PEX11A: variants seen among roughly 807,000 people sequenced by gnomAD.
PEX11A encodes peroxisomal membrane protein 11A.
A neutral mutation model predicts 14.4 loss-of-function variants in PEX11A; 13 were observed. The observed-to-expected ratio is 0.90, with a 90% CI of 0.59 to 1.43. The LOEUF (loss-of-function observed/expected upper bound fraction) is 1.43. Among genes scored for constraint, PEX11A ranks in the 40% most tolerant of loss-of-function variants. The pLI is 0.00. For missense variants in PEX11A, 290 were observed against 302.8 expected, an observed-to-expected ratio of 0.96 and a Z score of 0.31; for synonymous variants, 101 against 113.0, an observed-to-expected ratio of 0.89 and a Z score of 0.67.
rs1241766543 is a variant in PEX11A at position 89,682,085 on chromosome 15, T to G, written c.*1292A>C. On this transcript the variant is annotated 3_prime_UTR_variant, in exon 3 of 3. Transcript: ENST00000300056. The stretch of plus-strand genomic sequence containing the variant: ...TTACATCTGGAGTATTCATGAAATT[T>G]TTTTGACTGGATAAATTTTGATGAA... 1 of 152,410 alleles carries G rather than the reference T, an allele frequency of 6.6e-6. No homozygotes were observed. The highest frequency in any genetic ancestry group is 1.5e-5 in the Non-Finnish European group (1 of 68,158). The allele number at this position is 152,410 out of a possible 1,614,324, so 9.4% of individuals were successfully genotyped here.
chr15:89,686,627 C>A, intron 1 of PEX11A, 81 bp from the exon 2 acceptor site: 1 of 700,256 alleles, frequency 1.4e-6, no homozygotes. Flanking sequence ...GAAAGAGAAA[C>A]ACATGCCTCC....
intron 2 of PEX11A, 113 bp downstream of exon 2, chr15:89,686,318 T>C (rs1212072597): frequency 6.4e-6 from 4 of 622,320 alleles, no homozygotes; most frequent in Non-Finnish European, 1.2e-5. Flanking sequence ...ATTTCACCAA[T>C]AAACTTGATT....
At chr15:89,689,856 C>A (rs554872968) in intron 1 of PEX11A, among the ~76,000 whole-genome samples, 1 of 152,168 alleles carries the variant, frequency 6.6e-6, no homozygotes, top group African/African-American at 2.4e-5. Context: ...TGAGACCGGG[C>A]GCGGTGGCTC....
chr15:89,684,965 G>A (rs968492307), intron 2 of PEX11A, among the ~76,000 whole-genome samples: 5 of 152,134 alleles, frequency 3.3e-5, no homozygotes, highest in Non-Finnish European at 7.4e-5. Flanking sequence ...CAAGGTGCAC[G>A]GATCACCTGA....
At chr15:89,690,388 T>C (rs1198375561) in intron 1 of PEX11A, among the ~76,000 whole-genome samples, 189 bp downstream of exon 1, 2 of 152,048 alleles carry the variant, frequency 1.3e-5, no homozygotes, top group African/African-American at 4.8e-5. Context: ...CGCGGGTGCG[T>C]TGGGCCCACT....
chr15:89,688,456 G>A (rs771833865), intron 1 of PEX11A, among the ~76,000 whole-genome samples: 19 of 151,998 alleles, frequency 1.3e-4, no homozygotes, highest in Admixed American at 7.9e-4. Context: ...GTAGTGGTGC[G>A]TTCTTGGCTC....
chr15:89,690,584 G>A lies in PEX11A; in HGVS notation c.49C>T (p.Leu17Phe). The change falls in exon 1 of 3, where the codon CTC becomes TTC. Residue 17 changes from leucine (L) to phenylalanine (F), a missense_variant. Transcript: ENST00000300056. The stretch of plus-strand genomic sequence containing the variant: ...CGCTGGCACCTGACTCACCTGAAGA[G>A]TCGGTCCCGGCCCTGGGTCTGGTTG... Reference protein sequence around the residue: ...FTNQTQGRDRLFRATQYTCML... With the variant: ...FTNQTQGRDRFFRATQYTCML... 1 of 1,551,338 alleles carries A rather than the reference G, an allele frequency of 6.4e-7. No individual in the cohort carries two copies. Among genetic ancestry groups the A allele is most frequent in the Non-Finnish European group, 8.7e-7 (1 of 1,146,830 alleles).
chr15:89,690,421 G>A (rs1282995603), intron 1 of PEX11A, among the ~76,000 whole-genome samples, 156 bp downstream of exon 1: 4 of 152,208 alleles, frequency 2.6e-5, no homozygotes, highest in Non-Finnish European at 4.4e-5. Context: ...AGGGTAAGGA[G>A]GGGCTCGGAT....
intron 1 of PEX11A, among the ~76,000 whole-genome samples, chr15:89,689,683 T>A (rs571816411): frequency 6.6e-6 from 1 of 152,286 alleles, no homozygotes; most frequent in Non-Finnish European, 1.5e-5. Flanking sequence ...TTTCTGAGCT[T>A]CTCCCCACTG....
In PEX11A at chr15:89,681,748, T is replaced by C. The variant is rs1010349588; in HGVS notation, c.*1629A>G. The stretch of plus-strand genomic sequence containing the variant: ...TTTTTGAGAATCTCAATCACATTTC[T>C]GGGAAATGTGACTTATTGAGTACAT... On this transcript the variant is annotated 3_prime_UTR_variant, in exon 3 of 3. Coordinates refer to ENST00000300056, the MANE Select transcript of PEX11A (RefSeq NM_003847.3). 4 of 492,096 alleles carry C rather than the reference T, an allele frequency of 8.1e-6. No individual in the cohort carries two copies. The highest frequency in any genetic ancestry group is 1.4e-5 in the Non-Finnish European group (4 of 277,784). The allele number at this position is 492,096 out of a possible 1,614,324, so 30.5% of individuals were successfully genotyped here. A position where few individuals can be genotyped will look rare whatever the true frequency, so the allele number is the denominator to read the frequency against.
chr15:89,683,589 G>A lies in PEX11A; in HGVS notation c.532C>T (p.Gln178Ter). The A allele has an allele frequency of 6.2e-7, 1 of 1,613,988 alleles. No individual in the cohort carries two copies. Among genetic ancestry groups the A allele is most frequent in the Non-Finnish European group, 8.5e-7 (1 of 1,179,820 alleles). Reference sequence around the variant, plus strand: ...CGGAATAAAAGAAGTAGAAAGGATTGGAGCCATTCTGTTTCCTCCTCAGCC... The same window carrying A: ...CGGAATAAAAGAAGTAGAAAGGATTAGAGCCATTCTGTTTCCTCCTCAGCC... ...SVAEEETEWL[Q>*]SFLLLLFRSL... The change falls in exon 3 of 3, where the codon CAA (glutamine) becomes TAA (stop). Residue 178 changes from glutamine to a stop codon, truncating the protein, a stop_gained. Transcript: ENST00000300056. LOFTEE classifies it high-confidence loss of function.
At chr15:89,688,242 C>T (rs1320120914) in intron 1 of PEX11A, 3 of 529,384 alleles carry the variant, frequency 5.7e-6, no homozygotes, top group Non-Finnish European at 1.1e-5. Flanking sequence ...TAGGAATGTT[C>T]ACCGTGTTTG....
intron 2 of PEX11A, 52 bp from the exon 3 acceptor site, chr15:89,684,000 G>C (rs1964640757): frequency 7.7e-7 from 1 of 1,292,262 alleles, no homozygotes; most frequent in South Asian, 1.3e-5. Flanking sequence ...TACACAACAG[G>C]AAGATAGAAT....
intron 1 of PEX11A, chr15:89,688,258 G>A: frequency 1.9e-6 from 1 of 522,552 alleles, no homozygotes; most frequent in Non-Finnish European, 3.8e-6. Flanking sequence ...GTTTGCATGA[G>A]CATTATTGGC....
intron 2 of PEX11A, among the ~76,000 whole-genome samples, chr15:89,684,169 G>A (rs995570531): frequency 6.6e-6 from 1 of 152,156 alleles, no homozygotes; most frequent in East Asian, 1.9e-4. Flanking sequence ...CCGAGTAGCT[G>A]GGATTATAGG....
chr15:89,684,278 C>T (rs1964645588), intron 2 of PEX11A, among the ~76,000 whole-genome samples: 3 of 152,164 alleles, frequency 2.0e-5, no homozygotes, highest in African/African-American at 7.2e-5. Flanking sequence ...TTTTACAGTA[C>T]ATTAAGGACA....
chr15:89,687,120 T>C (rs1256433924), intron 1 of PEX11A, among the ~76,000 whole-genome samples: 1 of 152,126 alleles, frequency 6.6e-6, no homozygotes, highest in Non-Finnish European at 1.5e-5. Flanking sequence ...CACGGGGTTG[T>C]GCCATTTTGG....
At position 89,681,570 on chromosome 15, in the gene PEX11A, T is replaced by G. The variant is rs1421627222; in HGVS notation, c.*1807A>C. On this transcript the variant is annotated 3_prime_UTR_variant, in exon 3 of 3. Transcript: ENST00000300056. ...AAATTTATTGAACATAGTTAATCTA[T>G]TACAGTAGAGGATCTGGACAATAAA... 2 of 701,640 alleles carry G rather than the reference T, an allele frequency of 2.9e-6. No individual in the cohort carries two copies. Among genetic ancestry groups the G allele is most frequent in the African/African-American group, 3.5e-5 (2 of 57,254 alleles). The allele number at this position is 701,640 out of a possible 1,614,324, so 43.5% of individuals were successfully genotyped here. A position where few individuals can be genotyped will look rare whatever the true frequency, so the allele number is the denominator to read the frequency against.
At chr15:89,688,007 G>T (rs938225725) in intron 1 of PEX11A, 3 of 542,292 alleles carry the variant, frequency 5.5e-6, no homozygotes, top group Non-Finnish European at 1.1e-5. Context: ...TAATAGCCAG[G>T]ATTCTCTTAG....
Sources: gnomAD v4.1 joint callset for allele counts (sites outside exome capture counted in the v4.1 genomes callset) on GRCh38, gnomAD v4.1.1 for gene constraint, MANE v1.5 for transcripts, NCBI Gene and HGNC (gene_info 2026-07-23, HGNC 2026-07-21) for gene names.